MB21D2: variants seen among roughly 807,000 people sequenced by gnomAD.
The protein encoded by MB21D2 is Mab-21 domain containing 2, also known as nucleotidyltransferase MB21D2.
Under a neutral mutation model 33.3 loss-of-function variants are expected in MB21D2, and 9 were observed. The ratio of observed to expected loss-of-function variants is 0.27; its 90% CI spans 0.16 to 0.47. The LOEUF is 0.47. Ranked by LOEUF, MB21D2 falls within the 20% of genes least tolerant of loss-of-function variation. MB21D2 has a pLI of 0.99. For missense variants in MB21D2, 540 were observed against 624.6 expected (o/e 0.86, Z 1.44); for synonymous variants, 241 against 236.3 (o/e 1.02, Z -0.18).
intron 1 of MB21D2, among the ~76,000 whole-genome samples, chr3:192,806,381 A>G (rs557233185): frequency 3.0e-4 from 46 of 152,304 alleles, no homozygotes; most frequent in Admixed American, 1.6e-3. Flanking sequence ...GGTCCTCTGT[A>G]TAAGTGGGTT....
intron 1 of MB21D2, among the ~76,000 whole-genome samples, chr3:192,835,108 G>A (rs1481915504): frequency 2.1e-5 from 3 of 142,114 alleles, no homozygotes; most frequent in Non-Finnish European, 4.6e-5. Flanking sequence ...ACGCCTGGCC[G>A]ATTGTTCACA....
chr3:192,872,533 G>A (rs926087421), intron 1 of MB21D2, among the ~76,000 whole-genome samples: 17 of 149,542 alleles, frequency 1.1e-4, no homozygotes, highest in South Asian at 2.1e-4. Flanking sequence ...CCGAGATCGC[G>A]CCACTGCACT....
intron 1 of MB21D2, among the ~76,000 whole-genome samples, chr3:192,908,265 T>A: frequency 6.6e-6 from 1 of 152,166 alleles, no homozygotes; most frequent in East Asian, 1.9e-4. Flanking sequence ...AGTGAGCACC[T>A]ACTATGTGCA....
chr3:192,804,674 C>T (rs1711625838), intron 1 of MB21D2, among the ~76,000 whole-genome samples: 1 of 152,072 alleles, frequency 6.6e-6, no homozygotes, highest in Non-Finnish European at 1.5e-5. Context: ...TGCCTTATTC[C>T]AGCAGTGGGT....
At chr3:192,844,133 C>T (rs1421644912) in intron 1 of MB21D2, among the ~76,000 whole-genome samples, 4 of 152,220 alleles carry the variant, frequency 2.6e-5, no homozygotes, top group East Asian at 1.9e-4. Context: ...CCTGAATCCC[C>T]GGGTGCCGCA....
intron 1 of MB21D2, among the ~76,000 whole-genome samples, chr3:192,834,567 A>G (rs1214718825): frequency 1.3e-5 from 2 of 151,708 alleles, no homozygotes; most frequent in Non-Finnish European, 2.9e-5. Flanking sequence ...TTCTGCCACT[A>G]CTTTTCCGAC....
chr3:192,822,014 A>C (rs761631414), intron 1 of MB21D2, among the ~76,000 whole-genome samples: 5 of 152,204 alleles, frequency 3.3e-5, no homozygotes, highest in Non-Finnish European at 7.3e-5. Context: ...GGCACCTGTG[A>C]ACCCAGGCAT....
intron 1 of MB21D2, among the ~76,000 whole-genome samples, chr3:192,868,046 T>C (rs1713206686): frequency 6.6e-6 from 1 of 152,212 alleles, no homozygotes; most frequent in Non-Finnish European, 1.5e-5. Flanking sequence ...TCTGAATTTC[T>C]GACTCAAAGA....
At chr3:192,830,237 TGTGA>T (rs1358415077) in intron 1 of MB21D2, among the ~76,000 whole-genome samples, 57 of 98,460 alleles carry the variant, frequency 5.8e-4, no homozygotes, top group Non-Finnish European at 6.8e-4. Flanking sequence ...GATGAGTGTG[TGTGA>T]GTGTGTGTGT....
chr3:192,871,845 G>T (rs1382115067), intron 1 of MB21D2, among the ~76,000 whole-genome samples: 1 of 152,094 alleles, frequency 6.6e-6, no homozygotes, highest in Non-Finnish European at 1.5e-5. Flanking sequence ...TGCAGCAAGG[G>T]GGGTGAGGGG....
intron 1 of MB21D2, among the ~76,000 whole-genome samples, chr3:192,845,730 G>A (rs186143586): frequency 1.3e-5 from 2 of 152,300 alleles, no homozygotes; most frequent in East Asian, 3.9e-4. Flanking sequence ...CAGAAAGAGT[G>A]GTACACAGGA....
chr3:192,904,045 C>T (rs1714155853), intron 1 of MB21D2, among the ~76,000 whole-genome samples: 1 of 152,160 alleles, frequency 6.6e-6, no homozygotes, highest in East Asian at 1.9e-4. Flanking sequence ...CAAAAACAGC[C>T]TATTACAAGT....
intron 1 of MB21D2, among the ~76,000 whole-genome samples, chr3:192,862,744 A>G (rs1713078053): frequency 6.6e-6 from 1 of 152,208 alleles, no homozygotes. Context: ...CACAGATGGG[A>G]GATGGCTGCT....
intron 1 of MB21D2, among the ~76,000 whole-genome samples, chr3:192,828,626 A>T (rs1487660490): frequency 2.9e-4 from 9 of 30,614 alleles, no homozygotes; most frequent in African/African-American, 1.6e-3. Flanking sequence ...ATATATATAT[A>T]TATATATATA....
At chr3:192,866,018 G>GT (rs1713159550) in intron 1 of MB21D2, among the ~76,000 whole-genome samples, 2 of 151,680 alleles carry the variant, frequency 1.3e-5, no homozygotes, top group Non-Finnish European at 2.9e-5. Flanking sequence ...ACTGTACTCT[G>GT]GCCTGGGCAG....
intron 1 of MB21D2, among the ~76,000 whole-genome samples, chr3:192,860,677 G>C (rs934841092): frequency 6.6e-6 from 1 of 152,186 alleles, no homozygotes; most frequent in Non-Finnish European, 1.5e-5. Context: ...AGCTCTGCCA[G>C]CAGAAGTGGA....
At chr3:192,811,207 C>G (rs1045462152) in intron 1 of MB21D2, among the ~76,000 whole-genome samples, 1 of 152,228 alleles carries the variant, frequency 6.6e-6, no homozygotes, top group East Asian at 1.9e-4. Flanking sequence ...TATACAACCT[C>G]TCAGATGAAC....
chr3:192,860,905 G>C lies in MB21D2; in HGVS notation c.211+56725C>G, dbSNP rs1003582644. The stretch of plus-strand genomic sequence containing the variant: ...TTTATTCCATAAACAAAAGCAGAAT[G>C]AGAAAATAAATAACATAAGCTGATG... On this transcript the variant is annotated intron_variant, in intron 1 of 1. Transcript: ENST00000392452. Among the ~76,000 whole-genome samples the C allele has an allele frequency of 2.6e-5, 4 of 152,164 alleles. No individual in the cohort carries two copies. The East Asian group carries it at 7.7e-4, about 29-fold the overall frequency.
Position 192,820,416 on chromosome 3 carries a change from G to C in MB21D2, c.212-20766C>G, listed in dbSNP as rs79510228. Among the ~76,000 whole-genome samples, 957 of 152,180 alleles carry C rather than the reference G, an allele frequency of 6.3e-3. 7 individuals are homozygous for C. The highest frequency in any genetic ancestry group is 0.012 in the Admixed American group (184 of 15,270). On this transcript the variant is annotated intron_variant, in intron 1 of 1. Transcript: ENST00000392452. ...CTTTCCAAAGGCCTTTCAAAGTCCA[G>C]GGATGAGGTTCTGTGTTGCAGGGAA...
Sources: allele counts gnomAD v4.1 joint callset (sites outside exome capture counted in the v4.1 genomes callset), GRCh38; gene constraint gnomAD v4.1.1; transcripts MANE v1.5; gene names NCBI Gene and HGNC (gene_info 2026-07-23, HGNC 2026-07-21).